The following CLEC3A variants were observed in gnomAD, a reference collection of about 807,000 sequenced individuals.
The protein encoded by CLEC3A is C-type (calcium dependent, carbohydrate-recognition domain) lectin, superfamily member 1 (cartilage-derived).
A neutral mutation model predicts 20.4 loss-of-function variants in CLEC3A; 28 were observed. That is an observed-to-expected ratio of 1.37 (90% CI 1.02 to 1.88). CLEC3A has a LOEUF of 1.88. CLEC3A is among the 40% of genes most tolerant of loss of function. CLEC3A has a pLI of 0.00. For missense variants in CLEC3A, 357 were observed against 240.4 expected (o/e 1.48, Z -3.21); for synonymous variants, 110 against 88.1 (o/e 1.25, Z -1.39).
chr16:78,026,874 G>A (rs2029940112), intron 1 of CLEC3A, among the ~76,000 whole-genome samples: 1 of 152,076 alleles, frequency 6.6e-6, no homozygotes, highest in Non-Finnish European at 1.5e-5. Flanking sequence ...ACCTAATATA[G>A]ACGTATTTCT....
chr16:78,022,732 C>G lies in CLEC3A; in HGVS notation c.106C>G (p.Arg36Gly). The stretch of plus-strand genomic sequence containing the variant: ...AAAAGCCAGGAAGCACAGCAAACGT[C>G]GAGTGAGAGGTAATGGGGCTTCTCA... ...RLKARKHSKR[R>G]VRDKDGDLKT... is the part of the protein sequence containing the mutation. Residue 36 changes from arginine to glycine, a missense_variant, in exon 1 of 3, where the codon CGA (arginine) becomes GGA (glycine). Arg to Gly is a moderately radical substitution (Grantham distance 125). Transcript: ENST00000299642. 6.2e-7 allele frequency: 1 copy of G among 1,614,080 alleles called. No homozygotes were observed.
chr16:78,025,578 T>A (rs907953830), intron 1 of CLEC3A, among the ~76,000 whole-genome samples: 2 of 152,196 alleles, frequency 1.3e-5, no homozygotes, highest in Admixed American at 1.3e-4. Context: ...GTTTCTACAC[T>A]GTGTCTACCT....
At chr16:78,022,863 C>A in intron 1 of CLEC3A, 122 bp downstream of exon 1, 1 of 929,560 alleles carries the variant, frequency 1.1e-6, no homozygotes, top group Non-Finnish European at 1.6e-6. Flanking sequence ...TGCCATCATC[C>A]CTATATGGCA....
At chr16:78,024,297 G>A (rs2142586781) in intron 1 of CLEC3A, among the ~76,000 whole-genome samples, 1 of 152,264 alleles carries the variant, frequency 6.6e-6, no homozygotes, top group Non-Finnish European at 1.5e-5. Context: ...TGTGTGAAGA[G>A]GGTCTGAACA....
In CLEC3A at chr16:78,028,161, C is replaced by T. The variant is rs780701019; in HGVS notation, c.170C>T (p.Ala57Val). ...QIEKLWTEVN[A>V]LKEIQALQTV... ...GAAAAGCTCTGGACAGAAGTCAATG[C>T]CTTGAAGGAAATTCAAGCCCTGCAG... Residue 57 changes from alanine (A) to valine (V), a missense_variant, in exon 2 of 3, where the codon GCC (alanine) becomes GTC (valine). Ala to Val is a moderately conservative substitution (Grantham distance 64). Coordinates refer to ENST00000299642, the MANE Select transcript of CLEC3A (RefSeq NM_005752.6). The T allele has an allele frequency of 3.1e-6, 5 of 1,610,510 alleles. No homozygotes were observed. Among genetic ancestry groups the T allele is most frequent in the Non-Finnish European group, 4.2e-6 (5 of 1,179,106 alleles).
chr16:78,030,688 C>T lies in CLEC3A; in HGVS notation c.441C>T (p.Ile147=), dbSNP rs750736279. The T allele has an allele frequency of 5.0e-6, 8 of 1,614,010 alleles. No homozygotes were observed. Among genetic ancestry groups the T allele is most frequent in the African/African-American group, 4.0e-5 (3 of 74,900 alleles). ...GCAAGTTTGTTGACGTCAACGGAAT[C>T]GCTATCTCCTTCCTCAACTGGGACC... is the stretch of plus-strand genomic sequence containing the variant. ...TEGKFVDVNG[I]AISFLNWDRA... Residue 147 remains isoleucine (I), a synonymous_variant, in exon 3 of 3, where the codon ATC becomes ATT. Coordinates refer to ENST00000299642, the MANE Select transcript of CLEC3A (RefSeq NM_005752.6).
At position 78,022,756 on chromosome 16, in the gene CLEC3A, C is replaced by A. The variant is rs187446781; in HGVS notation, c.115+15C>A. The A allele has an allele frequency of 1.2e-3, 1,924 of 1,612,238 alleles. 23 individuals are homozygous for A. In the African/African-American group the frequency reaches 0.024, roughly 20 times the overall value. ...TCGAGTGAGAGGTAATGGGGCTTCT[C>A]AATCAAGCAAAATTCTAGGCTTAGA... On this transcript the variant is annotated intron_variant, in intron 1 of 2. Coordinates refer to ENST00000299642, the MANE Select transcript of CLEC3A (RefSeq NM_005752.6).
Position 78,022,709 on chromosome 16 carries a change from A to C in CLEC3A, c.83A>C (p.Lys28Thr). 3 of 1,614,132 alleles carry C rather than the reference A, an allele frequency of 1.9e-6. No individual in the cohort carries two copies. Among genetic ancestry groups the C allele is most frequent in the Non-Finnish European group, 2.5e-6 (3 of 1,180,030 alleles). ...ACCACCAGCCACACATCCAGATTAA[A>C]AGCCAGGAAGCACAGCAAACGTCGA... ...DQTTSHTSRL[K>T]ARKHSKRRVR... Residue 28 changes from lysine to threonine, a missense_variant, in exon 1 of 3, where the codon AAA becomes ACA. Transcript: ENST00000299642.
chr16:78,029,242 G>A (rs2030013493), intron 2 of CLEC3A: 2 of 405,152 alleles, frequency 4.9e-6, no homozygotes, highest in Non-Finnish European at 4.8e-6. Flanking sequence ...ACTCTCCAGT[G>A]CTACGGCCTA....
rs1475907721 is a variant in CLEC3A at position 78,031,358 on chromosome 16, T to C, written c.*517T>C. The C allele has an allele frequency of 6.6e-6, 1 of 152,410 alleles. No individual in the cohort carries two copies. The highest frequency in any genetic ancestry group is 1.5e-5 in the Non-Finnish European group (1 of 68,220). 9.4% of individuals were successfully genotyped at this position (152,410 alleles called of 1,614,324 possible). A position where few individuals can be genotyped will look rare whatever the true frequency, so the allele number is the denominator to read the frequency against. The stretch of plus-strand genomic sequence containing the variant: ...GTCAGCCCATTACCCTTATTTTGAA[T>C]TGCTCCATCTCCTGGTGGGACTTGT... On this transcript the variant is annotated 3_prime_UTR_variant, in exon 3 of 3. Coordinates refer to ENST00000299642, the MANE Select transcript of CLEC3A (RefSeq NM_005752.6).
intron 2 of CLEC3A, among the ~76,000 whole-genome samples, chr16:78,030,152 C>CAAA (rs56784347): frequency 0.053 from 5,306 of 100,056 alleles, 333 homozygotes; most frequent in Non-Finnish European, 0.068. Context: ...GACTCCAACT[C>CAAA]AAAAAAAAAA....
chr16:78,030,185 C>A (rs1597154041), intron 2 of CLEC3A, among the ~76,000 whole-genome samples: 1 of 146,712 alleles, frequency 6.8e-6, no homozygotes. Context: ...TAAGGTGTTA[C>A]AAGTAACAAC....
chr16:78,023,417 T>A (rs1401066656), intron 1 of CLEC3A, among the ~76,000 whole-genome samples: 1 of 152,134 alleles, frequency 6.6e-6, no homozygotes, highest in Non-Finnish European at 1.5e-5. Flanking sequence ...TTGAGTGACT[T>A]GAATTGGGTT....
chr16:78,024,011 C>T (rs2018781748), intron 1 of CLEC3A, among the ~76,000 whole-genome samples: 1 of 152,166 alleles, frequency 6.6e-6, no homozygotes. Context: ...TCAGCCTCGG[C>T]CTCCCAAAGT....
intron 1 of CLEC3A, among the ~76,000 whole-genome samples, chr16:78,023,752 G>A (rs570010429): frequency 6.6e-6 from 1 of 150,626 alleles, no homozygotes; most frequent in Admixed American, 6.6e-5. Flanking sequence ...TCTGGTGCAA[G>A]GTTTCTTTTT....
At chr16:78,028,655 G>A (rs2029995341) in intron 2 of CLEC3A, among the ~76,000 whole-genome samples, 2 of 152,366 alleles carry the variant, frequency 1.3e-5, no homozygotes, top group African/African-American at 4.8e-5. Flanking sequence ...ATGCGCTACT[G>A]CCCAGGAGCT....
At position 78,030,900 on chromosome 16, in the gene CLEC3A, C is replaced by G. The variant is rs2030082882; in HGVS notation, c.*59C>G. The G allele has an allele frequency of 2.0e-6, 3 of 1,478,800 alleles. No homozygotes were observed. Among genetic ancestry groups the G allele is most frequent in the Non-Finnish European group, 2.7e-6 (3 of 1,101,370 alleles). 91.6% of individuals were successfully genotyped at this position (1,478,800 alleles called of 1,614,324 possible). A position where few individuals can be genotyped will look rare whatever the true frequency, so the allele number is the denominator to read the frequency against. ...ATCATAACTTATAGGTTCATGATCT[C>G]TAAGATCAAGTAAAAATCATAATTT... On this transcript the variant is annotated 3_prime_UTR_variant, in exon 3 of 3. Transcript: ENST00000299642.
chr16:78,027,154 T>C (rs929671747), intron 1 of CLEC3A, among the ~76,000 whole-genome samples: 1 of 152,188 alleles, frequency 6.6e-6, no homozygotes, highest in African/African-American at 2.4e-5. Flanking sequence ...TGAACACCTA[T>C]TATGTACCAA....
In CLEC3A at chr16:78,030,170, AAT is replaced by A. The variant is rs1491188589; in HGVS notation, c.200-276_200-275del. On this transcript the variant is annotated intron_variant, in intron 2 of 2. Coordinates refer to ENST00000299642, the MANE Select transcript of CLEC3A (RefSeq NM_005752.6). ...TCCAACTCAAAAAAAAAAAAAAAAAAATGCTAAGGTGTTACAAGTAACAACTT... is the reference window on the plus strand; with the variant it reads ...TCCAACTCAAAAAAAAAAAAAAAAAAGCTAAGGTGTTACAAGTAACAACTT... Among the ~76,000 whole-genome samples, 735 of 151,366 alleles carry A rather than the reference AAT, an allele frequency of 4.9e-3. 6 individuals are homozygous for A. Among genetic ancestry groups the A allele is most frequent in the African/African-American group, 0.017 (692 of 41,036 alleles).
Sources: gnomAD v4.1 joint callset for allele counts (sites outside exome capture counted in the v4.1 genomes callset) on GRCh38, gnomAD v4.1.1 for gene constraint, MANE v1.5 for transcripts, NCBI Gene and HGNC (gene_info 2026-07-23, HGNC 2026-07-21) for gene names.